Variants in DCAF12 observed in about 807,000 individuals in gnomAD.
DCAF12 encodes DDB1- and CUL4-associated factor 12.
Under a neutral mutation model 52.8 loss-of-function variants are expected in DCAF12, and 28 were observed. That is an observed-to-expected ratio of 0.53 (90% CI 0.39 to 0.73). The LOEUF is 0.73. DCAF12 is among the 30% of genes least tolerant of loss of function. The pLI is 0.00. For synonymous variants in DCAF12, 196 were observed against 215.5 expected, an observed-to-expected ratio of 0.91 and a Z score of 0.79; for missense variants, 425 against 552.2, an observed-to-expected ratio of 0.77 and a Z score of 2.31.
In DCAF12 at chr9:34,114,037, G is replaced by A. The variant is rs539796246; in HGVS notation, c.334-6472C>T. On this transcript the variant is annotated intron_variant, in intron 2 of 8. Transcript: ENST00000361264. ...GCAGGAGAATGGCGTGAACCTGGGA[G>A]GCGGAGCTTGCAGTGAGCCGAGATC... Among the ~76,000 whole-genome samples the A allele has an allele frequency of 3.3e-5, 5 of 152,198 alleles. No individual in the cohort carries two copies. In the East Asian group the frequency reaches 9.7e-4, roughly 29 times the overall value.
chr9:34,094,703 T>G (rs1828705685), intron 6 of DCAF12, among the ~76,000 whole-genome samples: 1 of 151,566 alleles, frequency 6.6e-6, no homozygotes, highest in Non-Finnish European at 1.5e-5. Flanking sequence ...GCTAATTTTT[T>G]GTATTTTTAG....
rs182622982 is a variant in DCAF12 at position 34,098,372 on chromosome 9, G to T, written c.747C>A (p.Asn249Lys). The T allele has an allele frequency of 2.5e-4, 407 of 1,614,224 alleles. No homozygotes were observed. Among genetic ancestry groups the T allele is most frequent in the Non-Finnish European group, 1.0e-5 (12 of 1,180,026 alleles). ...ALKDIPKEDT[N>K]PDNCKVRALA... ...GAGCCCGAACCTTGCAGTTGTCAGG[G>T]TTTGTGTCTTCTTTGGGGATGTCCT... Residue 249 changes from asparagine to lysine, a missense_variant, in exon 5 of 9, where the codon AAC (asparagine) becomes AAA (lysine). Coordinates refer to ENST00000361264, the MANE Select transcript of DCAF12 (RefSeq NM_015397.4).
At chr9:34,122,534 T>C (rs1439164162) in intron 2 of DCAF12, among the ~76,000 whole-genome samples, 2 of 146,700 alleles carry the variant, frequency 1.4e-5, no homozygotes, top group African/African-American at 2.5e-5. Flanking sequence ...TGGAGTAGAA[T>C]GGCACAATCT....
At chr9:34,114,250 C>G (rs1388016940) in intron 2 of DCAF12, among the ~76,000 whole-genome samples, 1 of 152,102 alleles carries the variant, frequency 6.6e-6, no homozygotes, top group African/African-American at 2.4e-5. Context: ...AATGACCTCA[C>G]TTATATGTGG....
intron 2 of DCAF12, among the ~76,000 whole-genome samples, chr9:34,123,795 A>ACT (rs1164446988): frequency 6.6e-6 from 1 of 151,708 alleles, no homozygotes; most frequent in Non-Finnish European, 1.5e-5. Flanking sequence ...CAAGCAGGAG[A>ACT]CTCTTTTTCT....
intron 4 of DCAF12, among the ~76,000 whole-genome samples, chr9:34,105,733 C>T (rs1204870222): frequency 6.6e-6 from 1 of 150,684 alleles, no homozygotes; most frequent in Non-Finnish European, 1.5e-5. Flanking sequence ...TTTTATCTAT[C>T]TATCTTATCT....
In DCAF12 at chr9:34,102,121, C is replaced by T. The variant is rs201467111; in HGVS notation, c.602-3604G>A. 1.4e-4 allele frequency among the ~76,000 whole-genome samples: 21 copies of T among 151,570 alleles called. No individual in the cohort carries two copies. The East Asian group carries it at 4.1e-3, about 29-fold the overall frequency. ...ACCGGGTAACATGGCAAAACCCTGTCTCTACAAAAAATACAAAATTAGCCA... is the reference window on the plus strand; with the variant it reads ...ACCGGGTAACATGGCAAAACCCTGTTTCTACAAAAAATACAAAATTAGCCA... On this transcript the variant is annotated intron_variant, in intron 4 of 8. Coordinates refer to ENST00000361264, the MANE Select transcript of DCAF12 (RefSeq NM_015397.4).
rs1212985137 is a variant in DCAF12, at chr9:34,098,354, A to C, written c.765T>G (p.Val255=). Residue 255 remains valine, a synonymous_variant, in exon 5 of 9, where the codon GTT becomes GTG. Coordinates refer to ENST00000361264, the MANE Select transcript of DCAF12 (RefSeq NM_015397.4). ...TCTTGTTGTTGAAGGCCAGAGCCCG[A>C]ACCTTGCAGTTGTCAGGGTTTGTGT... The part of the protein sequence containing the change: ...KEDTNPDNCK[V]RALAFNNKNK... 6.2e-7 allele frequency: 1 copy of C among 1,614,092 alleles called. No homozygotes were observed. The highest frequency in any genetic ancestry group is 8.5e-7 in the Non-Finnish European group (1 of 1,180,030).
At chr9:34,115,546 C>A (rs538486255) in intron 2 of DCAF12, among the ~76,000 whole-genome samples, 49 of 147,230 alleles carry the variant, frequency 3.3e-4, no homozygotes, top group Admixed American at 7.0e-4. Flanking sequence ...TTGCAGTGAG[C>A]CGAGATAGCG....
At chr9:34,102,940 T>G (rs922704474) in intron 4 of DCAF12, among the ~76,000 whole-genome samples, 1 of 151,378 alleles carries the variant, frequency 6.6e-6, no homozygotes, top group Non-Finnish European at 1.5e-5. Flanking sequence ...TAGCCAGGCA[T>G]GGTGGCACAT....
intron 6 of DCAF12, 53 bp downstream of exon 6, chr9:34,096,663 T>C: frequency 6.9e-7 from 1 of 1,454,098 alleles, no homozygotes; most frequent in Admixed American, 1.8e-5. Context: ...ATTACAGTAT[T>C]TTAACTGTAA....
At chr9:34,101,770 C>A (rs1444223459) in intron 4 of DCAF12, among the ~76,000 whole-genome samples, 1 of 151,692 alleles carries the variant, frequency 6.6e-6, no homozygotes, top group Admixed American at 6.6e-5. Context: ...ATCCCAGCAA[C>A]TTGGGAGGCT....
chr9:34,114,768 T>C (rs1450753403), intron 2 of DCAF12, among the ~76,000 whole-genome samples: 1 of 152,008 alleles, frequency 6.6e-6, no homozygotes, highest in African/African-American at 2.4e-5. Context: ...CATGTGTATC[T>C]AGACAAATGT....
At position 34,125,069 on chromosome 9, in the gene DCAF12, T is replaced by C. The variant is rs775007000; in HGVS notation, c.287A>G (p.Gln96Arg). ...LGTLNKVFAS[Q>R]WLNHRQVVCG... is the part of the protein sequence containing the mutation. ...CACCACTTGCCTATGATTCAACCAC[T>C]GAGATGCAAACACTTTATTAAGGGT... Residue 96 changes from glutamine to arginine, a missense_variant, in exon 2 of 9, where the codon CAG (glutamine) becomes CGG (arginine). Gln to Arg is a conservative substitution (Grantham distance 43). Coordinates refer to ENST00000361264, the MANE Select transcript of DCAF12 (RefSeq NM_015397.4). 1 of 1,613,848 alleles carries C rather than the reference T, an allele frequency of 6.2e-7. No individual in the cohort carries two copies. The highest frequency in any genetic ancestry group is 8.5e-7 in the Non-Finnish European group (1 of 1,179,904).
At chr9:34,125,433 C>A (rs1368270895) in intron 1 of DCAF12, 156 bp from the exon 2 acceptor site, 2 of 870,096 alleles carry the variant, frequency 2.3e-6, no homozygotes, top group Non-Finnish European at 3.5e-6. Flanking sequence ...TCCAGAAAGT[C>A]GTTTAACTCT....
chr9:34,107,071 G>A (rs1370608408), intron 3 of DCAF12, among the ~76,000 whole-genome samples: 1 of 152,152 alleles, frequency 6.6e-6, no homozygotes, highest in Non-Finnish European at 1.5e-5. Context: ...CTCAAACAAC[G>A]CCTAGCCATA....
Position 34,126,626 on chromosome 9 carries a change from G to T in DCAF12, c.-195C>A. ...AAAGAGAGAGGAAGGACTTGAGCCG[G>T]GAAAGGGAAGGGGAAGCGAGAATGA... is the stretch of plus-strand genomic sequence containing the variant. On this transcript the variant is annotated 5_prime_UTR_variant, in exon 1 of 9. Coordinates refer to ENST00000361264, the MANE Select transcript of DCAF12 (RefSeq NM_015397.4). 1.6e-6 allele frequency: 1 copy of T among 629,136 alleles called. No homozygotes were observed. The highest frequency in any genetic ancestry group is 3.2e-5 in the Admixed American group (1 of 31,460). 39.0% of individuals were successfully genotyped at this position (629,136 alleles called of 1,614,324 possible).
intron 4 of DCAF12, 43 bp downstream of exon 4, chr9:34,106,391 A>C: frequency 6.5e-7 from 1 of 1,526,958 alleles, no homozygotes; most frequent in Non-Finnish European, 9.0e-7. Flanking sequence ...CTAGCCCCCA[A>C]TCCCTGCCAC....
In DCAF12 at chr9:34,125,122, G is replaced by C; in HGVS notation, c.234C>G (p.Leu78=). Reference sequence around the variant, plus strand: ...CAAGGTGAAACTCTCTCTCCTTCAGGAGACTGGGAAGTTGCTGTGCTGCAT... The same window carrying C: ...CAAGGTGAAACTCTCTCTCCTTCAGCAGACTGGGAAGTTGCTGTGCTGCAT... The part of the protein sequence containing the change: ...HGYAAQQLPS[L]LKEREFHLGT... The change falls in exon 2 of 9, where the codon CTC becomes CTG. Residue 78 remains leucine (L), a synonymous_variant. Transcript: ENST00000361264. 1 of 1,614,106 alleles carries C rather than the reference G, an allele frequency of 6.2e-7. No individual in the cohort carries two copies.
Sources: allele counts gnomAD v4.1 joint callset (sites outside exome capture counted in the v4.1 genomes callset), GRCh38; gene constraint gnomAD v4.1.1; transcripts MANE v1.5; gene names NCBI Gene and HGNC (gene_info 2026-07-23, HGNC 2026-07-21).